The following CRYL1 variants were observed in gnomAD, a reference collection of about 807,000 sequenced individuals.
The protein encoded by CRYL1 is crystallin lambda 1.
A neutral mutation model predicts 36.6 loss-of-function variants in CRYL1; 29 were observed. That is an observed-to-expected ratio of 0.79 (90% CI 0.59 to 1.08). The LOEUF is 1.08. Ranked by LOEUF, CRYL1 falls within the 50% of genes least tolerant of loss-of-function variation. CRYL1 has a pLI of 0.00. For synonymous variants in CRYL1, 152 were observed against 151.5 expected, an observed-to-expected ratio of 1.00 and a Z score of -0.02; for missense variants, 411 against 407.9, an observed-to-expected ratio of 1.01 and a Z score of -0.06.
intron 3 of CRYL1, among the ~76,000 whole-genome samples, chr13:20,458,091 G>A (rs1160315078): frequency 2.0e-5 from 3 of 152,112 alleles, no homozygotes; most frequent in Non-Finnish European, 4.4e-5. Context: ...AATAGGTCAA[G>A]GGTTAGATAA....
intron 3 of CRYL1, among the ~76,000 whole-genome samples, chr13:20,453,396 TTTTGAATATTTTGAAATATTCTAATATA>T (rs1449500488): frequency 0.062 from 8,491 of 137,516 alleles, 851 homozygotes; most frequent in African/African-American, 0.21. Context: ...TTTTGAAATA[TTTTGAATATTTTGAAATATTCTAATATA>T]TTTGAATATT....
intron 2 of CRYL1, among the ~76,000 whole-genome samples, chr13:20,506,735 A>C (rs1204096494): frequency 1.3e-5 from 2 of 152,214 alleles, no homozygotes; most frequent in African/African-American, 2.4e-5. Context: ...TTGGCTTTAC[A>C]GGATAAAAGA....
chr13:20,435,737 G>A lies in CRYL1; in HGVS notation c.439-3441C>T, dbSNP rs1331711884. 1.3e-5 allele frequency among the ~76,000 whole-genome samples: 2 copies of A among 152,208 alleles called. No individual in the cohort carries two copies. Among genetic ancestry groups the A allele is most frequent in the Non-Finnish European group, 2.9e-5 (2 of 68,026 alleles). On this transcript the variant is annotated intron_variant, in intron 4 of 7. Transcript: ENST00000298248. The surrounding 1 kb of genome is among the most constrained non-coding windows in gnomAD (Gnocchi z 4.0). ...CGCAGGCCGGCGGAGCACAAGGGAC[G>A]CATTCTTCCCCGCCGCCCGGGCCCC...
intron 5 of CRYL1, among the ~76,000 whole-genome samples, chr13:20,420,458 G>A (rs2031773727): frequency 6.6e-6 from 1 of 151,456 alleles, no homozygotes; most frequent in African/African-American, 2.4e-5. Context: ...AACCATATGT[G>A]CATAGAGGCT....
intron 2 of CRYL1, among the ~76,000 whole-genome samples, chr13:20,500,784 T>G (rs1002646003): frequency 2.0e-5 from 3 of 152,184 alleles, no homozygotes; most frequent in African/African-American, 7.2e-5. Context: ...TTGAGGAATC[T>G]ATAAACAAGG....
At chr13:20,407,750 G>A (rs773499382) in intron 6 of CRYL1, among the ~76,000 whole-genome samples, 1 of 152,190 alleles carries the variant, frequency 6.6e-6, no homozygotes, top group Non-Finnish European at 1.5e-5. Flanking sequence ...AAAAGACAAA[G>A]AGTAGAAAAA....
intron 2 of CRYL1, among the ~76,000 whole-genome samples, chr13:20,511,083 T>G (rs1362183295): frequency 6.6e-6 from 1 of 152,006 alleles, no homozygotes; most frequent in Non-Finnish European, 1.5e-5. Context: ...GGCTTTGCAT[T>G]TTATTATTTT....
At chr13:20,430,541 C>T (rs1472816280) in intron 5 of CRYL1, 1 of 985,282 alleles carries the variant, frequency 1.0e-6, no homozygotes, top group African/African-American at 1.7e-5. Context: ...CAGAGCAGCC[C>T]AACTCACCCC....
Sources: allele counts gnomAD v4.1 joint callset (sites outside exome capture counted in the v4.1 genomes callset), GRCh38; gene constraint gnomAD v4.1.1; non-coding constraint Gnocchi (gnomAD v3.1); transcripts MANE v1.5; gene names NCBI Gene and HGNC (gene_info 2026-07-23, HGNC 2026-07-21).